The following GALNT13 variants were observed in gnomAD, a reference collection of about 807,000 sequenced individuals.
GALNT13 encodes UDP-GalNAc:polypeptide N-acetylgalactosaminyltransferase 13.
In GALNT13, 28 loss-of-function variants were observed where a neutral mutation model predicts 64.2. That is an observed-to-expected ratio of 0.44 (90% CI 0.32 to 0.60). GALNT13 has a LOEUF of 0.60. Among genes scored for constraint, GALNT13 ranks in the 20% least tolerant of loss-of-function variants. GALNT13 has a pLI of 0.05. For synonymous variants in GALNT13, 214 were observed against 224.6 expected, an observed-to-expected ratio of 0.95 and a Z score of 0.42; for missense variants, 577 against 669.8, an observed-to-expected ratio of 0.86 and a Z score of 1.53.
the GALNT13 span, among the ~76,000 whole-genome samples, chr2:153,299,903 A>G: frequency 1.3e-5 from 2 of 152,080 alleles, no homozygotes; most frequent in Non-Finnish European, 2.9e-5. Flanking sequence ...GTCCTTGACA[A>G]TTTCACAAGA....
intron 3 of GALNT13, among the ~76,000 whole-genome samples, chr2:154,037,742 G>C (rs1698745795): frequency 6.6e-6 from 1 of 152,062 alleles, no homozygotes; most frequent in African/African-American, 2.4e-5. Flanking sequence ...AGTCAAGAAA[G>C]TAATCTTTTT....
intron 4 of GALNT13, among the ~76,000 whole-genome samples, chr2:154,240,683 T>C (rs999050573): frequency 2.0e-5 from 3 of 152,160 alleles, no homozygotes; most frequent in African/African-American, 7.2e-5. Context: ...TGTGCTCTTT[T>C]AATTTTGCCA....
the GALNT13 span, among the ~76,000 whole-genome samples, chr2:153,213,223 C>T: frequency 6.6e-6 from 1 of 152,220 alleles, no homozygotes; most frequent in Admixed American, 6.5e-5. Context: ...TCCACCCCAT[C>T]ATCTCCCATC....
chr2:154,303,638 A>T (rs1004959905), intron 9 of GALNT13, among the ~76,000 whole-genome samples: 1 of 152,168 alleles, frequency 6.6e-6, no homozygotes, highest in Non-Finnish European at 1.5e-5. Flanking sequence ...TATATCAGCG[A>T]CTAACCCACA....
At chr2:153,142,586 G>A in the GALNT13 span, among the ~76,000 whole-genome samples, 15 of 151,918 alleles carry the variant, frequency 9.9e-5, no homozygotes, top group South Asian at 1.2e-3. Flanking sequence ...GAGAATGAGC[G>A]TGAGAGAGAG....
the GALNT13 span, among the ~76,000 whole-genome samples, chr2:153,435,668 C>T: frequency 2.6e-5 from 4 of 152,092 alleles, no homozygotes; most frequent in South Asian, 2.1e-4. Flanking sequence ...GTGATTTTTG[C>T]ACATTGATTT....
the GALNT13 span, among the ~76,000 whole-genome samples, chr2:153,224,312 A>G: frequency 6.6e-6 from 1 of 151,596 alleles, no homozygotes. Flanking sequence ...GGGGACTACT[A>G]GAGACTACTA....
intron 4 of GALNT13, among the ~76,000 whole-genome samples, chr2:154,154,981 T>A (rs1684319529): frequency 1.3e-5 from 2 of 151,444 alleles, no homozygotes; most frequent in African/African-American, 4.9e-5. Context: ...AACATACATA[T>A]ACAAAGAGAA....
At chr2:153,606,849 TG>T in the GALNT13 span, among the ~76,000 whole-genome samples, 4 of 151,596 alleles carry the variant, frequency 2.6e-5, no homozygotes, top group African/African-American at 9.7e-5. Context: ...CTAAAAGCTC[TG>T]TGTCATGTCG....
chr2:153,967,877 A>C (rs1193310986), intron 3 of GALNT13, among the ~76,000 whole-genome samples: 5 of 152,132 alleles, frequency 3.3e-5, no homozygotes, highest in African/African-American at 1.2e-4. Context: ...TGGGTCTAGA[A>C]ATGCCCTTCA....
At chr2:153,273,986 G>GA in the GALNT13 span, among the ~76,000 whole-genome samples, 1 of 152,242 alleles carries the variant, frequency 6.6e-6, no homozygotes, top group South Asian at 2.1e-4. Context: ...AGACTCCTTA[G>GA]GAATGTTCAG....
the GALNT13 span, among the ~76,000 whole-genome samples, chr2:153,737,059 A>G: frequency 1.3e-5 from 2 of 152,146 alleles, no homozygotes; most frequent in South Asian, 4.1e-4. Context: ...TGGCACACAT[A>G]TCCACTTCAT....
intron 9 of GALNT13, among the ~76,000 whole-genome samples, chr2:154,375,288 A>T (rs1373407610): frequency 1.3e-5 from 2 of 150,712 alleles, no homozygotes; most frequent in African/African-American, 5.0e-5. Context: ...GCATCCAGCC[A>T]GAAAAAAATT....
chr2:153,106,557 G>A, the GALNT13 span, among the ~76,000 whole-genome samples: 1 of 152,156 alleles, frequency 6.6e-6, no homozygotes, highest in Non-Finnish European at 1.5e-5. Flanking sequence ...AGTCCATGCT[G>A]ACTGTGAAAG....
chr2:153,350,384 C>CTTTTTTTTT, the GALNT13 span, among the ~76,000 whole-genome samples: 82 of 129,952 alleles, frequency 6.3e-4, no homozygotes, highest in Non-Finnish European at 8.0e-4. Flanking sequence ...TTCTTTCTTT[C>CTTTTTTTTT]TTTTTTTTTT....
chr2:154,223,554 C>T (rs1463910474), intron 4 of GALNT13, among the ~76,000 whole-genome samples: 3 of 149,410 alleles, frequency 2.0e-5, no homozygotes, highest in Non-Finnish European at 3.0e-5. Context: ...TGGGTTCAAG[C>T]GATTCTCCTG....
chr2:154,069,151 C>A (rs934302950), intron 3 of GALNT13, among the ~76,000 whole-genome samples: 2 of 151,788 alleles, frequency 1.3e-5, no homozygotes, highest in Non-Finnish European at 2.9e-5. Flanking sequence ...AAATATTCTT[C>A]AAAAATAAAT....
At chr2:153,137,331 C>T in the GALNT13 span, among the ~76,000 whole-genome samples, 13 of 152,014 alleles carry the variant, frequency 8.6e-5, no homozygotes, top group Non-Finnish European at 1.6e-4. Flanking sequence ...TTTATGAAAG[C>T]GCCCCAGGAA....
At chr2:153,634,938 A>G in the GALNT13 span, among the ~76,000 whole-genome samples, 2 of 151,512 alleles carry the variant, frequency 1.3e-5, no homozygotes, top group Non-Finnish European at 2.9e-5. Context: ...GTTCTCTCTT[A>G]CCTCTGGGAG....
Sources: gnomAD v4.1 joint callset for allele counts (sites outside exome capture counted in the v4.1 genomes callset) on GRCh38, gnomAD v4.1.1 for gene constraint, MANE v1.5 for transcripts, NCBI Gene and HGNC (gene_info 2026-07-23, HGNC 2026-07-21) for gene names.